The following TFCP2L1 variants were observed in gnomAD, a reference collection of about 807,000 sequenced individuals.
The protein encoded by TFCP2L1 is transcription factor CP2-like protein 1.
Under a neutral mutation model 72.2 loss-of-function variants are expected in TFCP2L1, and 12 were observed. The ratio of observed to expected loss-of-function variants is 0.17; its 90% CI spans 0.11 to 0.27. The LOEUF is 0.27. Ranked by LOEUF, TFCP2L1 falls within the 10% of genes least tolerant of loss-of-function variation. The pLI, the probability that TFCP2L1 is intolerant of heterozygous loss-of-function variation, is 1.00. For synonymous variants in TFCP2L1, 260 were observed against 251.0 expected (o/e 1.04, Z -0.34); for missense variants, 488 against 624.6 (o/e 0.78, Z 2.33).
At chr2:121,284,071 T>C (rs975910290) in intron 1 of TFCP2L1, among the ~76,000 whole-genome samples, 1 of 152,190 alleles carries the variant, frequency 6.6e-6, no homozygotes, top group Non-Finnish European at 1.5e-5. Context: ...GAATTACAAA[T>C]AACGTTTTAA....
intron 2 of TFCP2L1, among the ~76,000 whole-genome samples, chr2:121,279,075 G>A (rs1178651486): frequency 6.6e-6 from 1 of 152,124 alleles, no homozygotes; most frequent in Non-Finnish European, 1.5e-5. Flanking sequence ...AACAGGAGCA[G>A]GGGCCAGGGC....
At chr2:121,245,483 C>T (rs1686462104) in intron 6 of TFCP2L1, among the ~76,000 whole-genome samples, 1 of 152,210 alleles carries the variant, frequency 6.6e-6, no homozygotes, top group Non-Finnish European at 1.5e-5. Flanking sequence ...GGCCACTGCT[C>T]TGCCAGGAAA....
chr2:121,238,679 T>C (rs1686300617), intron 8 of TFCP2L1, among the ~76,000 whole-genome samples: 1 of 152,076 alleles, frequency 6.6e-6, no homozygotes, highest in African/African-American at 2.4e-5. Context: ...CTCCCGACCC[T>C]GTGTAGAATT....
chr2:121,237,391 C>T (rs1686272073), intron 10 of TFCP2L1, among the ~76,000 whole-genome samples: 1 of 152,198 alleles, frequency 6.6e-6, no homozygotes, highest in African/African-American at 2.4e-5. Flanking sequence ...ACCAAGTCAC[C>T]CAGATGGTCC....
At chr2:121,283,319 T>G (rs557045634) in intron 1 of TFCP2L1, among the ~76,000 whole-genome samples, 1 of 151,832 alleles carries the variant, frequency 6.6e-6, no homozygotes, top group South Asian at 2.1e-4. Flanking sequence ...AAAAATAAAA[T>G]ACAAAAAACG....
rs1485185302 is a variant in TFCP2L1, at chr2:121,223,421, C to A, written c.*920G>T. 6.6e-6 allele frequency: 1 copy of A among 152,162 alleles called. No individual in the cohort carries two copies. The highest frequency in any genetic ancestry group is 1.5e-5 in the Non-Finnish European group (1 of 68,038). 9.4% of individuals were successfully genotyped at this position (152,162 alleles called of 1,614,324 possible). ...ATCGCTCCTGTGGCAAGTTTAGCAG[C>A]GGTTCAACAAGGTCTTCTCTAACTT... is the stretch of plus-strand genomic sequence containing the variant. On this transcript the variant is annotated 3_prime_UTR_variant, in exon 15 of 15. Coordinates refer to ENST00000263707, the MANE Select transcript of TFCP2L1 (RefSeq NM_014553.3).
rs746485680 is a variant in TFCP2L1, at chr2:121,216,774, A to AT, written c.*7566dup. Reference sequence around the variant, plus strand: ...AGGACCTCTCACACCCACCTGACCCATCCAAGGGCCACACCACCCCGACAG... The same window carrying AT: ...AGGACCTCTCACACCCACCTGACCCATTCCAAGGGCCACACCACCCCGACAG... On this transcript the variant is annotated 3_prime_UTR_variant, in exon 15 of 15. Coordinates refer to ENST00000263707, the MANE Select transcript of TFCP2L1 (RefSeq NM_014553.3). 6.6e-6 allele frequency: 1 copy of AT among 152,290 alleles called. No homozygotes were observed. The highest frequency in any genetic ancestry group is 1.5e-5 in the Non-Finnish European group (1 of 68,044). The allele number at this position is 152,290 out of a possible 1,614,324, so 9.4% of individuals were successfully genotyped here. A position where few individuals can be genotyped will look rare whatever the true frequency, so the allele number is the denominator to read the frequency against.
In TFCP2L1 at chr2:121,223,479, TG is replaced by T. The variant is rs1685965213; in HGVS notation, c.*861del. ...GTCCATCCAAGAGGGCCTGGTATTG[TG>T]GTGGTCAAGGTCATCTGATGACACC... On this transcript the variant is annotated 3_prime_UTR_variant, in exon 15 of 15. Coordinates refer to ENST00000263707, the MANE Select transcript of TFCP2L1 (RefSeq NM_014553.3). 1.3e-5 allele frequency: 2 copies of T among 152,190 alleles called. No homozygotes were observed. The highest frequency in any genetic ancestry group is 2.9e-5 in the Non-Finnish European group (2 of 68,048). The allele number at this position is 152,190 out of a possible 1,614,324, so 9.4% of individuals were successfully genotyped here.
At chr2:121,280,154 TTA>T (rs955704285) in intron 2 of TFCP2L1, among the ~76,000 whole-genome samples, 1 of 151,562 alleles carries the variant, frequency 6.6e-6, no homozygotes, top group African/African-American at 2.4e-5. Flanking sequence ...CTCCACAAAA[TTA>T]TACTTCTTGT....
intron 14 of TFCP2L1, among the ~76,000 whole-genome samples, chr2:121,224,982 C>CA (rs34800606): frequency 0.14 from 15,517 of 110,642 alleles, 1,058 homozygotes; most frequent in Middle Eastern, 0.18. Context: ...AAGACTCCAT[C>CA]AAAAAAAAAA....
chr2:121,255,811 C>T (rs991228056), intron 2 of TFCP2L1, among the ~76,000 whole-genome samples: 1 of 151,546 alleles, frequency 6.6e-6, no homozygotes, highest in Non-Finnish European at 1.5e-5. Flanking sequence ...GGCACGATCT[C>T]GGCTCACTGC....
chr2:121,235,347 G>A (rs1205434559), intron 10 of TFCP2L1, 36 bp from the exon 11 acceptor site: 3 of 1,601,696 alleles, frequency 1.9e-6, no homozygotes, highest in Middle Eastern at 1.7e-4. Flanking sequence ...CTGTTACATG[G>A]AACCCAGAGA....
In TFCP2L1 at chr2:121,219,783, T is replaced by C. The variant is rs1685897191; in HGVS notation, c.*4558A>G. ...ACCACGTCCAGCTTTTTGTACGATT[T>C]TGATGGAGGGAAAAATGGGAAAACC... On this transcript the variant is annotated 3_prime_UTR_variant, in exon 15 of 15. Transcript: ENST00000263707. 6.6e-6 allele frequency: 1 copy of C among 152,164 alleles called. No individual in the cohort carries two copies. Among genetic ancestry groups the C allele is most frequent in the Non-Finnish European group, 1.5e-5 (1 of 68,030 alleles). 9.4% of individuals were successfully genotyped at this position (152,164 alleles called of 1,614,324 possible).
intron 2 of TFCP2L1, among the ~76,000 whole-genome samples, chr2:121,277,434 CT>C (rs1352908865): frequency 1.3e-5 from 2 of 152,214 alleles, no homozygotes; most frequent in African/African-American, 4.8e-5. Context: ...AAAATGTATA[CT>C]GCTGGCTGGC....
intron 4 of TFCP2L1, 100 bp downstream of exon 4, chr2:121,248,882 A>C: frequency 1.1e-6 from 1 of 938,674 alleles, no homozygotes; most frequent in Non-Finnish European, 1.5e-6. Flanking sequence ...GTGCAAGCTA[A>C]AACGCCTTCT....
chr2:121,273,250 A>G (rs1687081197), intron 2 of TFCP2L1, among the ~76,000 whole-genome samples: 1 of 152,040 alleles, frequency 6.6e-6, no homozygotes, highest in Non-Finnish European at 1.5e-5. Flanking sequence ...CAAGCCAGAA[A>G]TCCCCATGCA....
intron 12 of TFCP2L1, 118 bp downstream of exon 12, chr2:121,233,973 T>C (rs1194118811): frequency 1.1e-6 from 1 of 888,188 alleles, no homozygotes; most frequent in Non-Finnish European, 1.8e-6. Flanking sequence ...TGTGGGCATG[T>C]GGGAGCCCAG....
chr2:121,283,164 AG>A (rs1687298604), intron 1 of TFCP2L1, among the ~76,000 whole-genome samples: 1 of 152,212 alleles, frequency 6.6e-6, no homozygotes, highest in South Asian at 2.1e-4. Context: ...ATCCCTCAAC[AG>A]TAACTTGTTT....
intron 2 of TFCP2L1, among the ~76,000 whole-genome samples, chr2:121,258,348 T>C (rs113685454): frequency 2.2e-4 from 33 of 152,296 alleles, no homozygotes; most frequent in African/African-American, 6.5e-4. Context: ...CTCCAGTCTA[T>C]AGAGCTGCCA....
Sources: gnomAD v4.1 joint callset for allele counts (sites outside exome capture counted in the v4.1 genomes callset) on GRCh38, gnomAD v4.1.1 for gene constraint, MANE v1.5 for transcripts, NCBI Gene and HGNC (gene_info 2026-07-23, HGNC 2026-07-21) for gene names.